VEPH1: variants seen among roughly 807,000 people sequenced by gnomAD.
VEPH1 encodes the protein ventricular zone-expressed PH domain-containing protein homolog 1.
In VEPH1, 80 loss-of-function variants were observed where a neutral mutation model predicts 85.2. The observed-to-expected ratio is 0.94, with a 90% CI of 0.78 to 1.13. The LOEUF (loss-of-function observed/expected upper bound fraction) is 1.13. VEPH1 is among the 50% of genes most tolerant of loss of function. VEPH1 has a pLI of 0.00. For synonymous variants in VEPH1, 297 were observed against 348.0 expected (o/e 0.85, Z 1.63); for missense variants, 955 against 980.5 (o/e 0.97, Z 0.35).
chr3:157,454,075 C>A (rs1735181728), intron 4 of VEPH1, among the ~76,000 whole-genome samples: 1 of 150,950 alleles, frequency 6.6e-6, no homozygotes. Context: ...ATTTTTTTTT[C>A]ATAAATCTGT....
At chr3:157,493,185 A>C (rs546306167) in intron 2 of VEPH1, 26 of 448,672 alleles carry the variant, frequency 5.8e-5, no homozygotes, top group African/African-American at 4.6e-4. Context: ...TTAGAAACCC[A>C]CCATATTCGC....
At chr3:157,281,947 T>C (rs1716183945) in intron 12 of VEPH1, among the ~76,000 whole-genome samples, 1 of 152,210 alleles carries the variant, frequency 6.6e-6, no homozygotes, top group Admixed American at 6.5e-5. Context: ...CCTTATGGGC[T>C]AGGTCCTCTC....
chr3:157,330,279 A>T (rs1722357125), intron 9 of VEPH1, among the ~76,000 whole-genome samples: 1 of 152,240 alleles, frequency 6.6e-6, no homozygotes, highest in African/African-American at 2.4e-5. Flanking sequence ...CTCTTGTGAA[A>T]GGGAATCTGG....
In VEPH1 at chr3:157,454,065, A is replaced by AT. The variant is rs142044571; in HGVS notation, c.529+6115dup. Among the ~76,000 whole-genome samples, 62 of 151,022 alleles carry AT rather than the reference A, an allele frequency of 4.1e-4. No individual in the cohort carries two copies. The East Asian group carries it at 7.0e-3, about 17-fold the overall frequency. On this transcript the variant is annotated intron_variant, in intron 4 of 13. Coordinates refer to ENST00000362010, the MANE Select transcript of VEPH1 (RefSeq NM_001167912.2). The stretch of plus-strand genomic sequence containing the variant: ...CTTGGCAGCAATAAAGGGGTAATTC[A>AT]TTTTTTTTTCATAAATCTGTTATTT...
chr3:157,279,880 G>T (rs1715866710), intron 12 of VEPH1, among the ~76,000 whole-genome samples: 2 of 151,982 alleles, frequency 1.3e-5, no homozygotes, highest in African/African-American at 4.8e-5. Flanking sequence ...GCTGAGTGTG[G>T]TGGCGCATGT....
intron 12 of VEPH1, among the ~76,000 whole-genome samples, chr3:157,271,161 G>A (rs1231706655): frequency 6.6e-6 from 1 of 152,152 alleles, no homozygotes; most frequent in East Asian, 1.9e-4. Context: ...CTTTCTAGGT[G>A]TAAGATCCAG....
At chr3:157,334,433 A>T (rs1371872726) in intron 9 of VEPH1, among the ~76,000 whole-genome samples, 3 of 152,238 alleles carry the variant, frequency 2.0e-5, no homozygotes, top group African/African-American at 7.2e-5. Context: ...CTCTTAGAGT[A>T]CAAGTTCTGA....
intron 9 of VEPH1, among the ~76,000 whole-genome samples, chr3:157,337,184 T>C (rs1360819425): frequency 1.3e-5 from 2 of 150,396 alleles, no homozygotes; most frequent in Non-Finnish European, 3.0e-5. Context: ...CAAAAGAATA[T>C]CCTTTTAAAT....
intron 7 of VEPH1, among the ~76,000 whole-genome samples, chr3:157,377,408 T>A (rs768186733): frequency 3.4e-4 from 51 of 152,142 alleles, no homozygotes; most frequent in Middle Eastern, 3.4e-3. Context: ...TTTTTCTTCC[T>A]ACCTACATAT....
At chr3:157,297,389 C>T (rs1718264629) in intron 11 of VEPH1, among the ~76,000 whole-genome samples, 1 of 152,044 alleles carries the variant, frequency 6.6e-6, no homozygotes, top group Non-Finnish European at 1.5e-5. Context: ...GCGACGTGGA[C>T]ATGAACATTT....
chr3:157,356,022 C>A (rs1244652159), intron 9 of VEPH1, among the ~76,000 whole-genome samples: 1 of 151,828 alleles, frequency 6.6e-6, no homozygotes, highest in Non-Finnish European at 1.5e-5. Context: ...ACCTCAGCCT[C>A]CCAAGCAGCT....
intron 9 of VEPH1, among the ~76,000 whole-genome samples, chr3:157,356,384 T>C (rs186041317): frequency 5.0e-4 from 76 of 152,050 alleles, no homozygotes; most frequent in Non-Finnish European, 3.2e-4. Context: ...ACTCATCTGC[T>C]GTAAATATGC....
At position 157,495,210 on chromosome 3, in the gene VEPH1, A is replaced by G. The variant is rs749000712; in HGVS notation, c.138+2T>C. 5.6e-6 allele frequency: 9 copies of G among 1,613,724 alleles called. No homozygotes were observed. Among genetic ancestry groups the G allele is most frequent in the Non-Finnish European group, 7.6e-6 (9 of 1,179,758 alleles). On this transcript the variant is annotated splice_donor_variant, in intron 2 of 13. Transcript: ENST00000362010. LOFTEE classifies it high-confidence loss of function. ...ATGTAGTCTATAAACCAGTTTACTTACTGAAGATGAGCTAATTATCTTAAT... is the reference window on the plus strand; with the variant it reads ...ATGTAGTCTATAAACCAGTTTACTTGCTGAAGATGAGCTAATTATCTTAAT...
chr3:157,493,384 G>A (rs1739394375), intron 2 of VEPH1: 1 of 419,328 alleles, frequency 2.4e-6, no homozygotes, highest in Non-Finnish European at 4.8e-6. Context: ...GGATCTGAGG[G>A]AAGGATGGGA....
At chr3:157,482,868 A>T (rs554274313) in intron 2 of VEPH1, among the ~76,000 whole-genome samples, 2 of 152,234 alleles carry the variant, frequency 1.3e-5, no homozygotes, top group African/African-American at 4.8e-5. Flanking sequence ...GAAGTCGTTT[A>T]TCAGTTCTAG....
intron 11 of VEPH1, among the ~76,000 whole-genome samples, chr3:157,305,918 C>T (rs1397801120): frequency 6.6e-6 from 1 of 152,114 alleles, no homozygotes; most frequent in Non-Finnish European, 1.5e-5. Context: ...ATAGTAGTAG[C>T]TTAAGGATAT....
intron 4 of VEPH1, among the ~76,000 whole-genome samples, chr3:157,434,602 G>A (rs1431178236): frequency 1.3e-5 from 2 of 151,982 alleles, no homozygotes; most frequent in Non-Finnish European, 2.9e-5. Flanking sequence ...CGTGAGCCCC[G>A]ACTAAAATAT....
chr3:157,470,553 G>T (rs375783788), intron 2 of VEPH1, 24 bp from the exon 3 acceptor site: 207 of 1,603,622 alleles, frequency 1.3e-4, no homozygotes, highest in Non-Finnish European at 1.7e-4. Context: ...AAATCTTCAT[G>T]TTAAATAATA....
intron 7 of VEPH1, among the ~76,000 whole-genome samples, chr3:157,365,824 C>A (rs1726614981): frequency 6.6e-6 from 1 of 152,186 alleles, no homozygotes; most frequent in African/African-American, 2.4e-5. Context: ...GTACTCCCAG[C>A]AACTCAATGT....
Sources: allele counts gnomAD v4.1 joint callset (sites outside exome capture counted in the v4.1 genomes callset), GRCh38; gene constraint gnomAD v4.1.1; transcripts MANE v1.5; gene names NCBI Gene and HGNC (gene_info 2026-07-23, HGNC 2026-07-21).